The following FSTL4 variants were observed in gnomAD, a reference collection of about 807,000 sequenced individuals.
The protein encoded by FSTL4 is follistatin like 4.
Under a neutral mutation model 78.2 loss-of-function variants are expected in FSTL4, and 28 were observed. The ratio of observed to expected loss-of-function variants is 0.36; its 90% CI spans 0.27 to 0.49. The LOEUF is 0.49. Ranked by LOEUF, FSTL4 falls within the 20% of genes least tolerant of loss-of-function variation. The pLI, the probability that FSTL4 is intolerant of heterozygous loss-of-function variation, is 0.98. For missense variants in FSTL4, 922 were observed against 1,084.9 expected, an observed-to-expected ratio of 0.85 and a Z score of 2.11; for synonymous variants, 422 against 440.5, an observed-to-expected ratio of 0.96 and a Z score of 0.53.
intron 3 of FSTL4, among the ~76,000 whole-genome samples, chr5:133,465,902 G>A (rs189417663): frequency 1.3e-5 from 2 of 152,330 alleles, no homozygotes; most frequent in East Asian, 3.9e-4. Context: ...GCTCAACATC[G>A]TGGCTAGCTT....
chr5:133,408,780 C>T (rs974424858), intron 3 of FSTL4, among the ~76,000 whole-genome samples: 25 of 152,142 alleles, frequency 1.6e-4, no homozygotes, highest in African/African-American at 4.3e-4. Context: ...TAACAATGGT[C>T]CTTACGGGAT....
intron 3 of FSTL4, among the ~76,000 whole-genome samples, chr5:133,409,853 C>T (rs555885747): frequency 2.0e-5 from 3 of 152,050 alleles, no homozygotes; most frequent in South Asian, 4.2e-4. Context: ...AGAAAGCCCT[C>T]GGTGGGAGAA....
chr5:133,365,404 AG>A (rs906099424), intron 4 of FSTL4, among the ~76,000 whole-genome samples: 95 of 152,304 alleles, frequency 6.2e-4, no homozygotes, highest in African/African-American at 2.3e-3. Flanking sequence ...TTGCTGAGCC[AG>A]GGGGACCACC....
chr5:133,675,704 G>T, the FSTL4 span, among the ~76,000 whole-genome samples: 1 of 152,204 alleles, frequency 6.6e-6, no homozygotes, highest in Non-Finnish European at 1.5e-5. Context: ...TTCCTGGCTA[G>T]CTTGTAAAAT....
chr5:133,551,111 C>G (rs948257975), intron 3 of FSTL4, among the ~76,000 whole-genome samples: 7 of 152,124 alleles, frequency 4.6e-5, no homozygotes, highest in Admixed American at 1.3e-4. Context: ...CATATAAGTT[C>G]TTTCATAGCA....
At position 133,383,332 on chromosome 5, in the gene FSTL4, G is replaced by A. The variant is rs530067419; in HGVS notation, c.409+17406C>T. Among the ~76,000 whole-genome samples the A allele has an allele frequency of 1.5e-4, 23 of 152,278 alleles. 1 individual carries two copies. In the East Asian group the frequency reaches 2.5e-3, roughly 17 times the overall value. ...CAAAATTCTCTTGGTTCTCAGATGC[G>A]CAGCTGTGCTTTTTGGCTTTGAGAT... On this transcript the variant is annotated intron_variant, in intron 4 of 15. Transcript: ENST00000265342.
chr5:133,627,608 A>T, the FSTL4 span, among the ~76,000 whole-genome samples: 1 of 152,206 alleles, frequency 6.6e-6, no homozygotes, highest in African/African-American at 2.4e-5. Context: ...GCATACTTTT[A>T]CATTCAACCT....
the FSTL4 span, among the ~76,000 whole-genome samples, chr5:133,726,254 C>A: frequency 1.3e-5 from 2 of 152,198 alleles, no homozygotes; most frequent in African/African-American, 2.4e-5. Context: ...CTCAGCCATG[C>A]CACCTATCAA....
intron 12 of FSTL4, among the ~76,000 whole-genome samples, chr5:133,220,148 T>G (rs1046598550): frequency 6.6e-6 from 1 of 152,246 alleles, no homozygotes; most frequent in Admixed American, 6.5e-5. Context: ...GAGGACACAC[T>G]GTATCCTCAA....
chr5:133,619,092 G>C, the FSTL4 span, among the ~76,000 whole-genome samples: 1 of 152,154 alleles, frequency 6.6e-6, no homozygotes, highest in Non-Finnish European at 1.5e-5. Context: ...CTTTTCCAGT[G>C]GTGATCAGGG....
the FSTL4 span, among the ~76,000 whole-genome samples, chr5:133,780,190 G>A: frequency 2.6e-5 from 4 of 152,066 alleles, no homozygotes; most frequent in African/African-American, 9.7e-5. Flanking sequence ...AGGCCAGTCC[G>A]CCAATGCAGA....
At chr5:133,365,856 T>A (rs1755171712) in intron 4 of FSTL4, among the ~76,000 whole-genome samples, 1 of 152,220 alleles carries the variant, frequency 6.6e-6, no homozygotes, top group South Asian at 2.1e-4. Flanking sequence ...GCCACGGGTA[T>A]TAACATTCAC....
intron 2 of FSTL4, chr5:133,583,188 A>C (rs1580804613): frequency 2.2e-6 from 1 of 449,362 alleles, no homozygotes; most frequent in Admixed American, 2.4e-5. Flanking sequence ...GGGTTTCCTG[A>C]CCCTCCAAAA....
At chr5:133,408,955 G>C (rs1044421110) in intron 3 of FSTL4, among the ~76,000 whole-genome samples, 1 of 152,190 alleles carries the variant, frequency 6.6e-6, no homozygotes, top group East Asian at 1.9e-4. Context: ...ATGAACATGT[G>C]GGGTAGTTGC....
chr5:133,823,404 C>T, the FSTL4 span, among the ~76,000 whole-genome samples: 8 of 152,326 alleles, frequency 5.3e-5, no homozygotes, highest in East Asian at 1.5e-3. Context: ...GCCCTGCACT[C>T]TCCTCCTCTC....
At chr5:133,785,011 TA>T in the FSTL4 span, among the ~76,000 whole-genome samples, 1 of 152,034 alleles carries the variant, frequency 6.6e-6, no homozygotes, top group South Asian at 2.1e-4. Flanking sequence ...AATAAGGCCA[TA>T]AGGAGGATGA....
the FSTL4 span, among the ~76,000 whole-genome samples, chr5:133,637,014 G>A: frequency 3.3e-5 from 5 of 152,322 alleles, no homozygotes; most frequent in African/African-American, 9.6e-5. Context: ...TGGAGTGGAA[G>A]CATAAGTAGA....
chr5:133,703,304 A>G, the FSTL4 span, among the ~76,000 whole-genome samples: 185 of 152,294 alleles, frequency 1.2e-3, no homozygotes, highest in African/African-American at 4.1e-3. Context: ...TACCATTCCA[A>G]TTAGATCATT....
At chr5:133,320,238 C>T (rs1754013046) in intron 4 of FSTL4, among the ~76,000 whole-genome samples, 1 of 152,194 alleles carries the variant, frequency 6.6e-6, no homozygotes, top group Non-Finnish European at 1.5e-5. Context: ...TCACAGCTGG[C>T]CTTGGCTTCC....
Sources: allele counts gnomAD v4.1 joint callset (sites outside exome capture counted in the v4.1 genomes callset), GRCh38; gene constraint gnomAD v4.1.1; transcripts MANE v1.5; gene names NCBI Gene and HGNC (gene_info 2026-07-23, HGNC 2026-07-21).